Variants in PCTP observed in about 807,000 individuals in gnomAD.
The protein encoded by PCTP is phosphatidylcholine transfer protein, also known as START domain-containing protein 2.
PCTP carries 27 observed loss-of-function variants against 31.0 expected under a neutral mutation model. The observed-to-expected ratio is 0.87, with a 90% CI of 0.64 to 1.20. The LOEUF (loss-of-function observed/expected upper bound fraction) is 1.20, where lower values mean the gene tolerates loss of function less well. Among genes scored for constraint, PCTP ranks in the 50% most tolerant of loss-of-function variants. The probability of loss-of-function intolerance (pLI) is 0.00; values close to 1 mark genes in which losing one functional copy is unlikely to be tolerated. For missense variants in PCTP, 287 were observed against 268.2 expected, an observed-to-expected ratio of 1.07 and a Z score of -0.49; for synonymous variants, 108 against 101.2, an observed-to-expected ratio of 1.07 and a Z score of -0.40.
chr17:55,771,828 A>C (rs927720804), intron 3 of PCTP, among the ~76,000 whole-genome samples: 7 of 152,012 alleles, frequency 4.6e-5, no homozygotes, highest in African/African-American at 1.7e-4. Flanking sequence ...GCTAGGATGG[A>C]ATTTTGGGGG....
intron 1 of PCTP, among the ~76,000 whole-genome samples, chr17:55,766,653 G>A (rs1910677629): frequency 6.6e-6 from 1 of 152,058 alleles, no homozygotes; most frequent in African/African-American, 2.4e-5. Context: ...TCTTAATCCA[G>A]TCTATCATTG....
Position 55,776,313 on chromosome 17 carries a change from G to A in PCTP, c.*213G>A, listed in dbSNP as rs780693107. 1.5e-5 allele frequency: 20 copies of A among 1,360,538 alleles called. No homozygotes were observed. Among genetic ancestry groups the A allele is most frequent in the South Asian group, 2.0e-5 (1 of 50,572 alleles). 84.3% of individuals were successfully genotyped at this position (1,360,538 alleles called of 1,614,324 possible). On this transcript the variant is annotated 3_prime_UTR_variant, in exon 6 of 6. Coordinates refer to ENST00000268896, the MANE Select transcript of PCTP (RefSeq NM_021213.4). Reference sequence around the variant, plus strand: ...TGTTTGCCTGACATCCAGCTCACTCGTCTGCTTCCTTTCTCGCTCCCCCCA... The same window carrying A: ...TGTTTGCCTGACATCCAGCTCACTCATCTGCTTCCTTTCTCGCTCCCCCCA...
At chr17:55,836,556 T>A (rs945860729) in intron 5 of PCTP, among the ~76,000 whole-genome samples, 1 of 152,202 alleles carries the variant, frequency 6.6e-6, no homozygotes, top group Non-Finnish European at 1.5e-5. Flanking sequence ...ACTTCCTGGG[T>A]TATCTTCAGC....
At chr17:55,759,918 C>A (rs901467965) in intron 1 of PCTP, among the ~76,000 whole-genome samples, 3 of 152,144 alleles carry the variant, frequency 2.0e-5, no homozygotes, top group African/African-American at 7.2e-5. Flanking sequence ...CTGTTTGGGA[C>A]AAATAAGTGT....
At chr17:55,837,378 G>A (rs938472093) in intron 5 of PCTP, among the ~76,000 whole-genome samples, 25 of 152,244 alleles carry the variant, frequency 1.6e-4, no homozygotes, top group Non-Finnish European at 2.4e-4. Flanking sequence ...GTATTCGTAC[G>A]GTGTTGAATC....
At chr17:55,846,713 C>T (rs750136802), downstream of PCTP, among the ~76,000 whole-genome samples, 9 of 152,106 alleles carry the variant, frequency 5.9e-5, no homozygotes, top group Non-Finnish European at 1.5e-5. Flanking sequence ...ATAGCAAAGT[C>T]CATGATAGTT....
At chr17:55,755,694 ACTT>A (rs1220399249) in intron 1 of PCTP, among the ~76,000 whole-genome samples, 5 of 152,046 alleles carry the variant, frequency 3.3e-5, no homozygotes, top group South Asian at 2.1e-4. Context: ...TTTTTCCTCT[ACTT>A]CTTCTTTCTT....
chr17:55,835,327 C>T (rs988833089), intron 5 of PCTP, among the ~76,000 whole-genome samples: 1 of 152,204 alleles, frequency 6.6e-6, no homozygotes, highest in African/African-American at 2.4e-5. Flanking sequence ...GAACTGCTAC[C>T]TGTCCCATGC....
At chr17:55,826,107 C>T (rs902022136), downstream of PCTP, among the ~76,000 whole-genome samples, 15 of 152,140 alleles carry the variant, frequency 9.9e-5, no homozygotes, top group African/African-American at 3.6e-4. Flanking sequence ...AATTTGAACC[C>T]AGTGTACCTG....
At chr17:55,807,776 T>C (rs764946877) in intron 3 of PCTP, among the ~76,000 whole-genome samples, 10 of 152,210 alleles carry the variant, frequency 6.6e-5, no homozygotes, top group South Asian at 2.1e-4. Context: ...TAGAGCAACT[T>C]GAGTCGAGAC....
intron 3 of PCTP, among the ~76,000 whole-genome samples, chr17:55,797,895 G>T (rs4260113): frequency 1.3e-5 from 2 of 151,752 alleles, no homozygotes; most frequent in African/African-American, 2.4e-5. Flanking sequence ...AAAAATAAAA[G>T]AAGAATAAAA....
chr17:55,792,291 A>G, intron 3 of PCTP, among the ~76,000 whole-genome samples: 1 of 150,180 alleles, frequency 6.7e-6, no homozygotes, highest in African/African-American at 2.5e-5. Context: ...ATGTACCCTA[A>G]AACTTAAAGT....
chr17:55,793,118 C>T (rs1458448135), intron 3 of PCTP, among the ~76,000 whole-genome samples: 1 of 152,094 alleles, frequency 6.6e-6, no homozygotes, highest in Non-Finnish European at 1.5e-5. Flanking sequence ...ATTCACATAT[C>T]CTGGAGTCTG....
At chr17:55,754,180 G>C (rs991975560) in intron 1 of PCTP, among the ~76,000 whole-genome samples, 2 of 152,110 alleles carry the variant, frequency 1.3e-5, no homozygotes, top group African/African-American at 4.8e-5. Context: ...GATCCCGTAG[G>C]TTGAGGTCCC....
intron 5 of PCTP, among the ~76,000 whole-genome samples, chr17:55,831,780 C>T (rs939795193): frequency 7.9e-5 from 12 of 152,104 alleles, no homozygotes; most frequent in African/African-American, 2.9e-4. Flanking sequence ...AGACATTTTG[C>T]CATCAAAACA....
intron 3 of PCTP, among the ~76,000 whole-genome samples, chr17:55,819,010 CAAAAAAA>C (rs56823756): frequency 0.14 from 7,149 of 51,210 alleles, 56 homozygotes; most frequent in Middle Eastern, 0.22. Flanking sequence ...GGAAAGAAAT[CAAAAAAA>C]AAAAAAAAAA....
At chr17:55,764,400 GA>G (rs756865514) in intron 1 of PCTP, among the ~76,000 whole-genome samples, 1 of 152,174 alleles carries the variant, frequency 6.6e-6, no homozygotes, top group South Asian at 2.1e-4. Context: ...TGTGTGAGGG[GA>G]GGGGGCAAGA....
At chr17:55,839,856 C>G (rs1455609158) in intron 5 of PCTP, among the ~76,000 whole-genome samples, 1 of 130,034 alleles carries the variant, frequency 7.7e-6, no homozygotes, top group Admixed American at 8.8e-5. Flanking sequence ...GGAGGCGGAG[C>G]TTGCAGTGAG....
the PCTP span, among the ~76,000 whole-genome samples, chr17:55,849,763 C>T: frequency 6.6e-6 from 1 of 151,846 alleles, no homozygotes; most frequent in East Asian, 1.9e-4. Context: ...TAGATCAATG[C>T]CAAAAAAACA....
Sources: gnomAD v4.1 joint callset for allele counts (sites outside exome capture counted in the v4.1 genomes callset) on GRCh38, gnomAD v4.1.1 for gene constraint, MANE v1.5 for transcripts, NCBI Gene and HGNC (gene_info 2026-07-23, HGNC 2026-07-21) for gene names.